Variants in PCDH11X observed in about 807,000 individuals in gnomAD.
The protein encoded by PCDH11X is protocadherin 11 X-linked.
A neutral mutation model predicts 53.3 loss-of-function variants in PCDH11X; 18 were observed. The observed-to-expected ratio is 0.34, with a 90% confidence interval of 0.23 to 0.50. The LOEUF is 0.50. PCDH11X is among the 20% of genes least tolerant of loss of function. The probability of loss-of-function intolerance (pLI) is 0.98; values close to 1 mark genes in which losing one functional copy is unlikely to be tolerated. For missense variants in PCDH11X, 570 were observed against 1,032.4 expected, an observed-to-expected ratio of 0.55 and a Z score of 6.14; for synonymous variants, 279 against 393.3, an observed-to-expected ratio of 0.71 and a Z score of 3.44.
chrX:91,869,406 C>T (rs1939995932), intron 5 of PCDH11X, among the ~76,000 whole-genome samples: 1 of 111,200 alleles, frequency 9.0e-6, no homozygotes, highest in African/African-American at 3.3e-5. Context: ...GCTTTCAAAT[C>T]GGGTTCTGCA....
chrX:92,279,038 C>G (rs1391479922), intron 8 of PCDH11X, among the ~76,000 whole-genome samples: 1 of 110,555 alleles, frequency 9.0e-6, no homozygotes, highest in Non-Finnish European at 1.9e-5. Context: ...CTCGAACTCC[C>G]GACCTCAGGT....
At chrX:92,348,511 C>T (rs776392457) in intron 8 of PCDH11X, among the ~76,000 whole-genome samples, 1 of 93,573 alleles carries the variant, frequency 1.1e-5, no homozygotes, top group East Asian at 8.8e-4. Context: ...TCAAAATTAT[C>T]ATTATTATTA....
intron 10 of PCDH11X, among the ~76,000 whole-genome samples, chrX:92,592,591 C>T (rs1925144532): frequency 9.1e-6 from 1 of 109,637 alleles, no homozygotes; most frequent in Non-Finnish European, 1.9e-5. Context: ...ATTAGCAGGG[C>T]TTTGTGGCAT....
At chrX:92,609,802 A>G (rs2148815584) in intron 10 of PCDH11X, among the ~76,000 whole-genome samples, 1 of 110,094 alleles carries the variant, frequency 9.1e-6, no homozygotes, top group African/African-American at 3.3e-5. Flanking sequence ...CTTTATTTCC[A>G]TGAGTACCCA....
intron 5 of PCDH11X, among the ~76,000 whole-genome samples, chrX:91,858,216 G>A (rs1470353064): frequency 4.6e-5 from 5 of 109,657 alleles, no homozygotes; most frequent in Non-Finnish European, 7.6e-5. Flanking sequence ...CCATGGCTGG[G>A]ATGTAGGTCA....
At chrX:92,117,265 C>T (rs34414720) in intron 6 of PCDH11X, among the ~76,000 whole-genome samples, 2 of 109,254 alleles carry the variant, frequency 1.8e-5, no homozygotes, top group African/African-American at 6.7e-5. Flanking sequence ...AGCAAAACCC[C>T]GTCTCTACCA....
chrX:92,320,659 T>G (rs1372948463), intron 8 of PCDH11X, among the ~76,000 whole-genome samples: 3 of 111,129 alleles, frequency 2.7e-5, no homozygotes, highest in Non-Finnish European at 5.6e-5. Flanking sequence ...CTCACGTTAA[T>G]TAAAGAACCC....
At chrX:92,244,866 A>G (rs2067319685) in intron 7 of PCDH11X, among the ~76,000 whole-genome samples, 1 of 111,767 alleles carries the variant, frequency 8.9e-6, no homozygotes, top group Non-Finnish European at 1.9e-5. Flanking sequence ...AGGAAATTCC[A>G]TAATTAGCGT....
intron 6 of PCDH11X, among the ~76,000 whole-genome samples, chrX:91,994,773 AG>A (rs1329607115): frequency 4.5e-5 from 5 of 111,385 alleles, no homozygotes; most frequent in Admixed American, 2.9e-4. Flanking sequence ...ACAGTTTACA[AG>A]GGTTCCCTAT....
chrX:91,924,332 T>C (rs1813791800), intron 6 of PCDH11X, among the ~76,000 whole-genome samples: 1 of 111,144 alleles, frequency 9.0e-6, no homozygotes, highest in African/African-American at 3.3e-5. Flanking sequence ...AGAAAAGGGC[T>C]GTAATCCAAG....
intron 10 of PCDH11X, among the ~76,000 whole-genome samples, chrX:92,544,959 G>C (rs2074821674): frequency 1.8e-5 from 2 of 111,432 alleles, no homozygotes. Context: ...GAGTATACTG[G>C]TACCTGTCTC....
intron 6 of PCDH11X, among the ~76,000 whole-genome samples, chrX:91,900,882 A>G (rs1420610492): frequency 9.0e-6 from 1 of 111,654 alleles, no homozygotes; most frequent in Non-Finnish European, 1.9e-5. Context: ...GGAAACTGAG[A>G]CAGCTTTCAG....
chrX:92,449,332 C>G (rs2148644804), intron 9 of PCDH11X, among the ~76,000 whole-genome samples: 1 of 111,827 alleles, frequency 8.9e-6, no homozygotes, highest in East Asian at 2.8e-4. Flanking sequence ...TTGTAATAAA[C>G]TATTAAACTG....
chrX:92,146,738 C>T (rs2065272469), intron 6 of PCDH11X, among the ~76,000 whole-genome samples: 1 of 111,377 alleles, frequency 9.0e-6, no homozygotes, highest in South Asian at 3.8e-4. Context: ...GTGGCTTACA[C>T]CTATAATCCC....
intron 1 of PCDH11X, among the ~76,000 whole-genome samples, chrX:91,791,778 TACTC>T (rs1168060776): frequency 2.0e-5 from 2 of 101,705 alleles, no homozygotes; most frequent in African/African-American, 7.5e-5. Flanking sequence ...AACATCTTCA[TACTC>T]TATTATCAAA....
chrX:92,370,336 G>A (rs1214301338), intron 8 of PCDH11X, among the ~76,000 whole-genome samples: 8 of 107,487 alleles, frequency 7.4e-5, no homozygotes, highest in African/African-American at 2.7e-4. Context: ...TATCTATCCT[G>A]CAGATATTTC....
chrX:91,875,658 C>G (rs933125371), intron 5 of PCDH11X, among the ~76,000 whole-genome samples: 2 of 109,724 alleles, frequency 1.8e-5, no homozygotes, highest in African/African-American at 6.6e-5. Context: ...TAGGTCCTAT[C>G]CGAAGCTACC....
intron 6 of PCDH11X, among the ~76,000 whole-genome samples, chrX:92,120,423 G>A (rs1205547841): frequency 8.9e-6 from 1 of 112,588 alleles, no homozygotes; most frequent in Non-Finnish European, 1.9e-5. Flanking sequence ...CTCTGAAAGT[G>A]CTGGGATTAC....
chrX:92,084,797 T>C lies in PCDH11X; in HGVS notation c.3034-116578T>C, dbSNP rs2063923805. 8.1e-5 allele frequency among the ~76,000 whole-genome samples: 9 copies of C among 110,790 alleles called. No individual in the cohort carries two copies. In the South Asian group the frequency reaches 3.0e-3, roughly 37 times the overall value. ...TCTTAGACAGCTTTTTAAAGAGTGA[T>C]TATTATACAATGCTACATCACTGGA... On this transcript the variant is annotated intron_variant, in intron 6 of 10. Coordinates refer to ENST00000682573, the MANE Select transcript of PCDH11X (RefSeq NM_032968.5).
Sources: gnomAD v4.1 joint callset for allele counts (sites outside exome capture counted in the v4.1 genomes callset) on GRCh38, gnomAD v4.1.1 for gene constraint, MANE v1.5 for transcripts, NCBI Gene and HGNC (gene_info 2026-07-23, HGNC 2026-07-21) for gene names.